GPRC6A: variants seen among roughly 807,000 people sequenced by gnomAD.
The protein encoded by GPRC6A is G protein-coupled receptor family C group 6 member A.
Under a neutral mutation model 47.0 loss-of-function variants are expected in GPRC6A, and 54 were observed. That is an observed-to-expected ratio of 1.15 (90% CI 0.92 to 1.44). The LOEUF (loss-of-function observed/expected upper bound fraction) is 1.44, where lower values mean the gene tolerates loss of function less well. Among genes scored for constraint, GPRC6A ranks in the 40% most tolerant of loss-of-function variants. The probability of loss-of-function intolerance (pLI) is 0.00; values close to 1 mark genes in which losing one functional copy is unlikely to be tolerated. For synonymous variants in GPRC6A, 347 were observed against 377.1 expected, an observed-to-expected ratio of 0.92 and a Z score of 0.93; for missense variants, 1,112 against 1,105.5, an observed-to-expected ratio of 1.01 and a Z score of -0.08.
rs768328330 is a variant in GPRC6A at position 116,792,155 on chromosome 6, A to G, written c.2768T>C (p.Met923Thr). The G allele has an allele frequency of 6.8e-6, 11 of 1,612,764 alleles. No individual in the cohort carries two copies. The East Asian group carries it at 1.1e-4, about 16-fold the overall frequency. The change falls in exon 6 of 6, where the codon ATG (methionine) becomes ACG (threonine). Residue 923 changes from methionine to threonine, a missense_variant. By Grantham distance (81) the Met-to-Thr change is moderately conservative. Transcript: ENST00000310357. ...CCTAAGGCTTATTCATATACTTGAC[A>G]TTCTTTTTCGAGGCAAAGTTTTAGA... is the stretch of plus-strand genomic sequence containing the variant. Reference protein sequence around the residue: ...SVSKTLPRKRMSSI With the variant: ...SVSKTLPRKRTSSI
intron 5 of GPRC6A, among the ~76,000 whole-genome samples, chr6:116,795,104 T>C (rs996862563): frequency 6.6e-6 from 1 of 152,170 alleles, no homozygotes; most frequent in Non-Finnish European, 1.5e-5. Flanking sequence ...ACCTCACTCT[T>C]GTACTTTAAT....
rs757648382 is a variant in GPRC6A, at chr6:116,792,662, G to T, written c.2261C>A (p.Thr754Asn). Residue 754 changes from threonine to asparagine, a missense_variant, in exon 6 of 6, where the codon ACC (threonine) becomes AAC (asparagine). Transcript: ENST00000310357. The part of the protein sequence containing the change: ...CEEGSILAFG[T>N]MLGYIAILAF... ...CAGGATGGCAATGTAGCCCAGCATGGTGCCAAATGCAAGTATGGATCCCTC... is the reference window on the plus strand; with the variant it reads ...CAGGATGGCAATGTAGCCCAGCATGTTGCCAAATGCAAGTATGGATCCCTC... 1.9e-6 allele frequency: 3 copies of T among 1,613,418 alleles called. No individual in the cohort carries two copies. In the South Asian group the frequency reaches 3.3e-5, roughly 18 times the overall value.
intron 4 of GPRC6A, among the ~76,000 whole-genome samples, chr6:116,796,571 T>C (rs1772494450): frequency 6.6e-6 from 1 of 152,192 alleles, no homozygotes; most frequent in South Asian, 2.1e-4. Flanking sequence ...ACTTTTACCC[T>C]TGGAGCAGAG....
At chr6:116,826,237 C>A (rs796161962) in intron 1 of GPRC6A, among the ~76,000 whole-genome samples, 37 of 151,822 alleles carry the variant, frequency 2.4e-4, no homozygotes, top group African/African-American at 8.2e-4. Context: ...AGGAAACCAT[C>A]AAGAATGAAG....
At chr6:116,793,458 AAG>A (rs962705046) in intron 5 of GPRC6A, among the ~76,000 whole-genome samples, 2 of 152,208 alleles carry the variant, frequency 1.3e-5, no homozygotes, top group Non-Finnish European at 2.9e-5. Flanking sequence ...AAGGAAAAGA[AAG>A]AGAAAATAGA....
Position 116,794,760 on chromosome 6 carries a change from T to C in GPRC6A, c.1672+952A>G, listed in dbSNP as rs555494542. Reference sequence around the variant, plus strand: ...TCAATTCCACTAATATAAACATTATTAAACATACCAAGGAACGGGAAAATT... The same window carrying C: ...TCAATTCCACTAATATAAACATTATCAAACATACCAAGGAACGGGAAAATT... On this transcript the variant is annotated intron_variant, in intron 5 of 5. Coordinates refer to ENST00000310357, the MANE Select transcript of GPRC6A (RefSeq NM_148963.4). Among the ~76,000 whole-genome samples the C allele has an allele frequency of 2.4e-4, 37 of 152,284 alleles. 1 individual carries two copies. The South Asian group carries it at 7.7e-3, about 32-fold the overall frequency.
chr6:116,808,506 C>T (rs1406013194), intron 2 of GPRC6A, among the ~76,000 whole-genome samples: 1 of 152,016 alleles, frequency 6.6e-6, no homozygotes, highest in Non-Finnish European at 1.5e-5. Flanking sequence ...TGTCACTAGG[C>T]TATAATATAA....
rs537456900 is a variant in GPRC6A, at chr6:116,822,558, G to T, written c.194+6262C>A. Among the ~76,000 whole-genome samples the T allele has an allele frequency of 3.1e-4, 43 of 137,818 alleles. 1 individual carries two copies. The South Asian group carries it at 0.011, about 34-fold the overall frequency. 90.4% of individuals were successfully genotyped at this position (137,818 alleles called of 152,430 possible). ...AAAAAATGATGAGTTCATGTCCTTTGTAGGGACATGGATGAAATTGGAAAT... is the reference window on the plus strand; with the variant it reads ...AAAAAATGATGAGTTCATGTCCTTTTTAGGGACATGGATGAAATTGGAAAT... On this transcript the variant is annotated intron_variant, in intron 1 of 5. Transcript: ENST00000310357.
intron 4 of GPRC6A, among the ~76,000 whole-genome samples, chr6:116,798,611 G>A (rs972572907): frequency 4.6e-5 from 7 of 152,058 alleles, no homozygotes; most frequent in Non-Finnish European, 8.8e-5. Flanking sequence ...GGGGGCTGGC[G>A]CGGTGGGTTA....
At chr6:116,802,758 C>A (rs1479164216) in intron 3 of GPRC6A, among the ~76,000 whole-genome samples, 1 of 152,024 alleles carries the variant, frequency 6.6e-6, no homozygotes, top group African/African-American at 2.4e-5. Flanking sequence ...GTTAAGGTTC[C>A]CTCCATCTCT....
intron 3 of GPRC6A, among the ~76,000 whole-genome samples, chr6:116,803,900 A>G (rs1772757172): frequency 6.6e-6 from 1 of 152,060 alleles, no homozygotes; most frequent in African/African-American, 2.4e-5. Context: ...GTAGTGTACC[A>G]TCCTTCATTG....
At chr6:116,823,687 G>A (rs990542701) in intron 1 of GPRC6A, among the ~76,000 whole-genome samples, 1 of 152,058 alleles carries the variant, frequency 6.6e-6, no homozygotes, top group African/African-American at 2.4e-5. Context: ...AAAAATACCT[G>A]AGACTTAGTA....
At chr6:116,823,414 C>T (rs187713975) in intron 1 of GPRC6A, among the ~76,000 whole-genome samples, 1 of 152,258 alleles carries the variant, frequency 6.6e-6, no homozygotes, top group Admixed American at 6.5e-5. Context: ...ATAAGTTCCT[C>T]ATCTCCATTT....
chr6:116,828,391 A>G (rs1773737284), intron 1 of GPRC6A, among the ~76,000 whole-genome samples: 2 of 152,044 alleles, frequency 1.3e-5, no homozygotes, highest in Non-Finnish European at 1.5e-5. Flanking sequence ...CAGTGTTGAA[A>G]AAAAATGTTA....
intron 1 of GPRC6A, 149 bp from the exon 2 acceptor site, chr6:116,809,766 T>G: frequency 5.1e-6 from 3 of 583,040 alleles, no homozygotes; most frequent in Non-Finnish European, 9.0e-6. Flanking sequence ...AAAACAATTT[T>G]TCATGATAAT....
At chr6:116,825,422 C>G (rs1418124345) in intron 1 of GPRC6A, among the ~76,000 whole-genome samples, 2 of 151,656 alleles carry the variant, frequency 1.3e-5, no homozygotes, top group Non-Finnish European at 3.0e-5. Flanking sequence ...TTTTTGTACA[C>G]CGGTAGTGAA....
At chr6:116,828,753 A>G (rs1773748403) in intron 1 of GPRC6A, 67 bp downstream of exon 1, 1 of 1,286,280 alleles carries the variant, frequency 7.8e-7, no homozygotes, top group Admixed American at 2.3e-5. Context: ...AATACAAGTT[A>G]ACAGTTTATA....
At chr6:116,795,175 A>G (rs1183525803) in intron 5 of GPRC6A, among the ~76,000 whole-genome samples, 1 of 152,208 alleles carries the variant, frequency 6.6e-6, no homozygotes, top group Non-Finnish European at 1.5e-5. Context: ...ACAGTCATTT[A>G]CTAGCATCTC....
intron 1 of GPRC6A, among the ~76,000 whole-genome samples, chr6:116,821,286 A>T (rs1045389600): frequency 4.5e-4 from 69 of 152,290 alleles, no homozygotes; most frequent in African/African-American, 1.6e-3. Flanking sequence ...CATACTGCCC[A>T]AGGTAATTTA....
Sources: allele counts gnomAD v4.1 joint callset (sites outside exome capture counted in the v4.1 genomes callset), GRCh38; gene constraint gnomAD v4.1.1; transcripts MANE v1.5; gene names NCBI Gene and HGNC (gene_info 2026-07-23, HGNC 2026-07-21).